The following DLG2 variants were observed in gnomAD, a reference collection of about 807,000 sequenced individuals.
DLG2 encodes discs large MAGUK scaffold protein 2, also known as disks large homolog 2.
In DLG2, 45 loss-of-function variants were observed where a neutral mutation model predicts 132.5. The observed-to-expected ratio is 0.34, with a 90% CI of 0.27 to 0.44. DLG2 has a LOEUF of 0.44. Ranked by LOEUF, DLG2 falls within the 20% of genes least tolerant of loss-of-function variation. DLG2 has a pLI of 1.00. For synonymous variants in DLG2, 424 were observed against 419.6 expected (o/e 1.01, Z -0.13); for missense variants, 1,045 against 1,196.9 (o/e 0.87, Z 1.87).
intron 14 of DLG2, 38 bp from the exon 15 acceptor site, chr11:83,930,521 A>G: frequency 6.3e-7 from 1 of 1,595,916 alleles, no homozygotes; most frequent in African/African-American, 1.3e-5. Flanking sequence ...ATGCATGGTT[A>G]GTACATACAA....
At chr11:84,626,803 A>T (rs2099623175) in intron 6 of DLG2, among the ~76,000 whole-genome samples, 1 of 151,502 alleles carries the variant, frequency 6.6e-6, no homozygotes, top group Admixed American at 6.6e-5. Flanking sequence ...CACACCTGCT[A>T]TATTTATATG....
chr11:84,414,043 A>T (rs988371126), intron 7 of DLG2, among the ~76,000 whole-genome samples: 1 of 152,166 alleles, frequency 6.6e-6, no homozygotes, highest in Non-Finnish European at 1.5e-5. Flanking sequence ...GCAGAAAACA[A>T]TTATATGCAA....
chr11:84,915,753 C>T (rs1297956680), intron 6 of DLG2, among the ~76,000 whole-genome samples: 1 of 152,200 alleles, frequency 6.6e-6, no homozygotes, highest in Non-Finnish European at 1.5e-5. Flanking sequence ...GGTGGTAACA[C>T]ATCCAGTCCA....
intron 3 of DLG2, among the ~76,000 whole-genome samples, chr11:85,534,609 G>A (rs189550487): frequency 9.3e-4 from 142 of 152,250 alleles, no homozygotes; most frequent in Non-Finnish European, 1.5e-3. Flanking sequence ...TTGGTTTTCT[G>A]TTTCTGCATT....
intron 18 of DLG2, among the ~76,000 whole-genome samples, chr11:83,690,290 T>C (rs980277763): frequency 1.3e-5 from 2 of 151,246 alleles, no homozygotes; most frequent in Non-Finnish European, 2.9e-5. Flanking sequence ...GACCAAGCAC[T>C]AAAGAAATAT....
At chr11:84,541,215 A>G (rs1469507127) in intron 6 of DLG2, among the ~76,000 whole-genome samples, 1 of 151,260 alleles carries the variant, frequency 6.6e-6, no homozygotes, top group Non-Finnish European at 1.5e-5. Context: ...TAATAATAAT[A>G]AAGAAACTTT....
chr11:83,757,877 A>G (rs1361838420), intron 18 of DLG2, among the ~76,000 whole-genome samples: 4 of 152,112 alleles, frequency 2.6e-5, no homozygotes, highest in African/African-American at 9.7e-5. Flanking sequence ...CACTTCCTAT[A>G]ACCACCTGTA....
intron 3 of DLG2, among the ~76,000 whole-genome samples, chr11:85,481,841 C>A (rs1300041050): frequency 1.3e-5 from 2 of 152,098 alleles, no homozygotes; most frequent in African/African-American, 4.8e-5. Flanking sequence ...AGACTCCAGG[C>A]TTGTCCAGTG....
intron 15 of DLG2, among the ~76,000 whole-genome samples, chr11:83,883,661 G>A (rs1278256282): frequency 6.6e-6 from 1 of 152,196 alleles, no homozygotes; most frequent in Non-Finnish European, 1.5e-5. Flanking sequence ...GCAAAATATA[G>A]TGTTTTAACA....
At chr11:85,451,495 C>T (rs960773043) in intron 3 of DLG2, among the ~76,000 whole-genome samples, 6 of 152,148 alleles carry the variant, frequency 3.9e-5, no homozygotes, top group African/African-American at 1.4e-4. Context: ...GTAATATTCA[C>T]TTTCTTGCAG....
chr11:84,531,842 T>C (rs77316471), intron 7 of DLG2, among the ~76,000 whole-genome samples: 38 of 151,600 alleles, frequency 2.5e-4, no homozygotes, highest in Middle Eastern at 6.8e-3. Context: ...GAGAAACCCA[T>C]TGAAGTTGAA....
intron 3 of DLG2, among the ~76,000 whole-genome samples, chr11:85,583,649 A>ACT (rs2078773022): frequency 6.6e-6 from 1 of 151,952 alleles, no homozygotes; most frequent in Non-Finnish European, 1.5e-5. Flanking sequence ...ATAGATGAAT[A>ACT]CTCCTCATTC....
intron 9 of DLG2, among the ~76,000 whole-genome samples, chr11:84,143,063 G>T (rs747471996): frequency 3.3e-5 from 5 of 152,098 alleles, no homozygotes; most frequent in African/African-American, 4.8e-5. Flanking sequence ...AGATTTTTCG[G>T]TAACCTATCC....
chr11:85,343,026 A>G (rs559578907), intron 3 of DLG2, among the ~76,000 whole-genome samples: 22 of 150,440 alleles, frequency 1.5e-4, no homozygotes, highest in Admixed American at 1.3e-3. Flanking sequence ...GCTGTTTCGT[A>G]ATGTGAGTTT....
chr11:84,585,239 T>C (rs1236981210), intron 6 of DLG2, among the ~76,000 whole-genome samples: 2 of 152,166 alleles, frequency 1.3e-5, no homozygotes, highest in Non-Finnish European at 2.9e-5. Context: ...CATTAAGTCC[T>C]CATATATGAG....
At chr11:84,663,015 A>G (rs2099696222) in intron 6 of DLG2, among the ~76,000 whole-genome samples, 1 of 152,018 alleles carries the variant, frequency 6.6e-6, no homozygotes, top group Non-Finnish European at 1.5e-5. Flanking sequence ...CCAATTTCCT[A>G]GCCAACAAGA....
chr11:85,257,185 G>A (rs1055648698), intron 4 of DLG2, among the ~76,000 whole-genome samples: 1 of 152,238 alleles, frequency 6.6e-6, no homozygotes, highest in South Asian at 2.1e-4. Context: ...CATTTACTTA[G>A]TTATGGAAAG....
intron 11 of DLG2, among the ~76,000 whole-genome samples, chr11:84,048,698 A>G (rs1035257527): frequency 2.0e-5 from 3 of 151,718 alleles, no homozygotes; most frequent in African/African-American, 7.2e-5. Flanking sequence ...CAGTTGTACA[A>G]ACTTTGTTTT....
intron 19 of DLG2, among the ~76,000 whole-genome samples, chr11:83,611,725 A>C (rs770738346): frequency 3.0e-4 from 46 of 152,224 alleles, no homozygotes; most frequent in Admixed American, 6.5e-4. Context: ...AATGGGACTC[A>C]CTTAACTATT....
Sources: allele counts gnomAD v4.1 joint callset (sites outside exome capture counted in the v4.1 genomes callset), GRCh38; gene constraint gnomAD v4.1.1; transcripts MANE v1.5; gene names NCBI Gene and HGNC (gene_info 2026-07-23, HGNC 2026-07-21).